WFDC10A: variants seen among roughly 807,000 people sequenced by gnomAD.
WFDC10A encodes WAP four-disulfide core domain protein 10A.
A neutral mutation model predicts 2.6 loss-of-function variants in WFDC10A; 2 were observed. The ratio of observed to expected loss-of-function variants is 0.76; its 90% CI spans 0.31 to 2.40. The LOEUF is 2.40. Among genes scored for constraint, WFDC10A ranks in the 30% most tolerant of loss-of-function variants. The probability of loss-of-function intolerance (pLI) is 0.12; values close to 1 mark genes in which losing one functional copy is unlikely to be tolerated. For missense variants in WFDC10A, 84 were observed against 91.8 expected (o/e 0.92, Z 0.35); for synonymous variants, 36 against 36.3 (o/e 0.99, Z 0.03).
chr20:45,630,383 G>A (rs1306427424), intron 1 of WFDC10A, among the ~76,000 whole-genome samples: 1 of 152,110 alleles, frequency 6.6e-6, no homozygotes, highest in Non-Finnish European at 1.5e-5. Context: ...AAGGAGAGTG[G>A]TGGTGGAAAG....
intron 1 of WFDC10A, among the ~76,000 whole-genome samples, chr20:45,630,285 A>G (rs997875447): frequency 2.0e-5 from 3 of 152,164 alleles, no homozygotes; most frequent in African/African-American, 7.2e-5. Flanking sequence ...GTGTAGGTGT[A>G]GAATGGGTAT....
At position 45,630,981 on chromosome 20, in the gene WFDC10A, C is replaced by T. The variant is rs771905484; in HGVS notation, c.203C>T (p.Ser68Phe). 1.2e-6 allele frequency: 2 copies of T among 1,609,180 alleles called. No homozygotes were observed. The highest frequency in any genetic ancestry group is 1.7e-5 in the Admixed American group (1 of 59,316). ...RDCQANNICC[S>F]TYCGNVCMSI... ...TGTCAAGCAAATAACATATGCTGTT[C>T]TACCTACTGTGGGAATGTTTGCATG... Residue 68 changes from serine to phenylalanine, a missense_variant, in exon 2 of 2, where the codon TCT (serine) becomes TTT (phenylalanine). By Grantham distance (155) the Ser-to-Phe change is radical. Coordinates refer to ENST00000372643, the MANE Select transcript of WFDC10A (RefSeq NM_080753.3).
chr20:45,630,715 G>C (rs999948524), intron 1 of WFDC10A, among the ~76,000 whole-genome samples, 155 bp from the exon 2 acceptor site: 3 of 152,026 alleles, frequency 2.0e-5, no homozygotes, highest in Non-Finnish European at 4.4e-5. Context: ...CCAATCACTA[G>C]GATTTGGTGA....
chr20:45,630,468 G>A (rs1982335830), intron 1 of WFDC10A, among the ~76,000 whole-genome samples: 1 of 152,108 alleles, frequency 6.6e-6, no homozygotes, highest in African/African-American at 2.4e-5. Context: ...GAGGCATGTT[G>A]ATCCTCATCT....
Position 45,631,002 on chromosome 20 carries a change from G to C in WFDC10A, c.224G>C (p.Cys75Ser). ...ICCSTYCGNV[C>S]MSIL ...TGTTCTACCTACTGTGGGAATGTTT[G>C]CATGAGCATCCTGTGAGTGGGAGAG... The change falls in exon 2 of 2, where the codon TGC (cysteine) becomes TCC (serine). Residue 75 changes from cysteine to serine, a missense_variant. Transcript: ENST00000372643. The C allele has an allele frequency of 1.2e-6, 2 of 1,601,864 alleles. No individual in the cohort carries two copies. The highest frequency in any genetic ancestry group is 1.7e-6 in the Non-Finnish European group (2 of 1,174,438).
rs1276552356 is a variant in WFDC10A, at chr20:45,629,981, A to G, written c.91+77A>G. 1.9e-6 allele frequency: 3 copies of G among 1,559,178 alleles called. No individual in the cohort carries two copies. In the East Asian group the frequency reaches 7.0e-5, roughly 37 times the overall value. ...AGGGCCTGTGTCCAGTCTGAGTAGG[A>G]CCTAGGAGTTGGAAACTCTCTGCAT... On this transcript the variant is annotated intron_variant, in intron 1 of 1. Transcript: ENST00000372643.
chr20:45,630,160 T>C (rs1432400797), intron 1 of WFDC10A, among the ~76,000 whole-genome samples: 1 of 152,068 alleles, frequency 6.6e-6, no homozygotes, highest in African/African-American at 2.4e-5. Flanking sequence ...AAATGGCACA[T>C]CCCATAGTGA....
In WFDC10A at chr20:45,630,892, CA is replaced by C. The variant is rs373484014; in HGVS notation, c.117del (p.Val40SerfsTer37). 6.2e-7 allele frequency: 1 copy of C among 1,604,664 alleles called. No individual in the cohort carries two copies. The highest frequency in any genetic ancestry group is 8.5e-7 in the Non-Finnish European group (1 of 1,176,400). On this transcript the variant is annotated frameshift_variant, in exon 2 of 2. Transcript: ENST00000372643. LOFTEE classifies it low-confidence loss of function (END_TRUNC). Reference protein sequence around the residue: ...MQKTQLSPEIKVCQQQPKLYL... With the variant: ...MQKTQLSPEIXVCQQQPKLYL... ...CAGAAACACAGCTATCCCCAGAAAT[CA>C]AAGTCTGCCAGCAGCAGCCTAAACT...
At position 45,630,862 on chromosome 20, in the gene WFDC10A, C is replaced by T; in HGVS notation, c.92-8C>T. On this transcript the variant is annotated splice_region_variant and splice_polypyrimidine_tract_variant and intron_variant, in intron 1 of 1. Coordinates refer to ENST00000372643, the MANE Select transcript of WFDC10A (RefSeq NM_080753.3). Reference sequence around the variant, plus strand: ...TGCGTTTATTTACCGTTCTATTCTCCTTGTCAGAAACACAGCTATCCCCAG... The same window carrying T: ...TGCGTTTATTTACCGTTCTATTCTCTTTGTCAGAAACACAGCTATCCCCAG... 1 of 1,590,774 alleles carries T rather than the reference C, an allele frequency of 6.3e-7. No homozygotes were observed. The highest frequency in any genetic ancestry group is 1.7e-4 in the Middle Eastern group (1 of 5,908).
intron 1 of WFDC10A, 68 bp downstream of exon 1, chr20:45,629,972 C>G: frequency 6.3e-7 from 1 of 1,576,762 alleles, no homozygotes; most frequent in Non-Finnish European, 8.6e-7. Flanking sequence ...TGTGTCCAGT[C>G]TGAGTAGGAC....
intron 1 of WFDC10A, 29 bp downstream of exon 1, chr20:45,629,933 G>A: frequency 1.9e-6 from 3 of 1,610,430 alleles, no homozygotes; most frequent in South Asian, 1.1e-5. Flanking sequence ...GATGGGTGAG[G>A]GGGAATTGGG....
Position 45,631,078 on chromosome 20 carries a change from C to G in WFDC10A, c.*60C>G, listed in dbSNP as rs1322609908. ...CCAACTCCTCTATCCAAGACTGTGC[C>G]CACATCCGAAGCACAAGGACCTCAA... On this transcript the variant is annotated 3_prime_UTR_variant, in exon 2 of 2. Transcript: ENST00000372643. 2 of 1,479,826 alleles carry G rather than the reference C, an allele frequency of 1.4e-6. No individual in the cohort carries two copies. 91.7% of individuals were successfully genotyped at this position (1,479,826 alleles called of 1,614,324 possible). A position where few individuals can be genotyped will look rare whatever the true frequency, so the allele number is the denominator to read the frequency against.
chr20:45,631,121 A>C lies in WFDC10A; in HGVS notation c.*103A>C, dbSNP rs1982359880. 7.5e-7 allele frequency: 1 copy of C among 1,328,486 alleles called. No individual in the cohort carries two copies. Among genetic ancestry groups the C allele is most frequent in the African/African-American group, 1.5e-5 (1 of 66,376 alleles). 82.3% of individuals were successfully genotyped at this position (1,328,486 alleles called of 1,614,324 possible). On this transcript the variant is annotated 3_prime_UTR_variant, in exon 2 of 2. Transcript: ENST00000372643. ...GACCTCAAGTCACCAGCATAAGAAC[A>C]TCAACAGGAATGCCGCCCTCTCTAC...
rs1053053572 is a variant in WFDC10A, at chr20:45,629,745, C to A, written c.-69C>A. ...TTCCTTCTTTCCTTCCTTCACTCTC[C>A]GTAGACAGCTCTGCAGGGAAGTCTG... On this transcript the variant is annotated 5_prime_UTR_variant, in exon 1 of 2. Transcript: ENST00000372643. 9.0e-6 allele frequency: 14 copies of A among 1,557,040 alleles called. No individual in the cohort carries two copies. The Admixed American group carries it at 1.5e-4, about 17-fold the overall frequency.
intron 1 of WFDC10A, among the ~76,000 whole-genome samples, chr20:45,630,235 TTTG>T (rs10535329): frequency 0.35 from 53,390 of 151,804 alleles, 9,449 homozygotes; most frequent in Middle Eastern, 0.44. Flanking sequence ...TTTATGCACA[TTTG>T]TGAGGAGTAA....
At position 45,631,108 on chromosome 20, in the gene WFDC10A, C is replaced by A; in HGVS notation, c.*90C>A. 1 of 1,422,128 alleles carries A rather than the reference C, an allele frequency of 7.0e-7. No homozygotes were observed. Among genetic ancestry groups the A allele is most frequent in the Non-Finnish European group, 9.3e-7 (1 of 1,071,086 alleles). 88.1% of individuals were successfully genotyped at this position (1,422,128 alleles called of 1,614,324 possible). Reference sequence around the variant, plus strand: ...TCCGAAGCACAAGGACCTCAAGTCACCAGCATAAGAACATCAACAGGAATG... The same window carrying A: ...TCCGAAGCACAAGGACCTCAAGTCAACAGCATAAGAACATCAACAGGAATG... On this transcript the variant is annotated 3_prime_UTR_variant, in exon 2 of 2. Coordinates refer to ENST00000372643, the MANE Select transcript of WFDC10A (RefSeq NM_080753.3).
intron 1 of WFDC10A, 143 bp downstream of exon 1, chr20:45,630,047 C>A: frequency 8.4e-7 from 1 of 1,193,090 alleles, no homozygotes; most frequent in Non-Finnish European, 1.2e-6. Flanking sequence ...TCTGGACTGT[C>A]CCTAAACCAT....
At chr20:45,630,058 G>A (rs1982320199) in intron 1 of WFDC10A, among the ~76,000 whole-genome samples, 154 bp downstream of exon 1, 1 of 151,588 alleles carries the variant, frequency 6.6e-6, no homozygotes, top group African/African-American at 2.4e-5. Flanking sequence ...CCTAAACCAT[G>A]GCCCTCCAGC....
chr20:45,630,502 A>G (rs1206072618), intron 1 of WFDC10A, among the ~76,000 whole-genome samples: 1 of 152,148 alleles, frequency 6.6e-6, no homozygotes, highest in Admixed American at 6.5e-5. Context: ...TTCAGAGACT[A>G]GGAGAGAGTT....
Sources: gnomAD v4.1 joint callset for allele counts (sites outside exome capture counted in the v4.1 genomes callset) on GRCh38, gnomAD v4.1.1 for gene constraint, MANE v1.5 for transcripts, NCBI Gene and HGNC (gene_info 2026-07-23, HGNC 2026-07-21) for gene names.